The following ASTN1 variants were observed in gnomAD, a reference collection of about 807,000 sequenced individuals.
ASTN1 encodes astrotactin-1.
ASTN1 carries 41 observed loss-of-function variants against 140.7 expected under a neutral mutation model. That is an observed-to-expected ratio of 0.29 (90% CI 0.23 to 0.38). ASTN1 has a LOEUF of 0.38. ASTN1 is among the 10% of genes least tolerant of loss of function. The pLI is 1.00. For missense variants in ASTN1, 1,479 were observed against 1,678.8 expected (o/e 0.88, Z 2.08); for synonymous variants, 640 against 652.2 (o/e 0.98, Z 0.29).
At chr1:177,151,369 G>T (rs1683025431) in intron 1 of ASTN1, among the ~76,000 whole-genome samples, 1 of 151,588 alleles carries the variant, frequency 6.6e-6, no homozygotes, top group African/African-American at 2.4e-5. Flanking sequence ...ACGTAACAAA[G>T]TTCTTACCTA....
At chr1:177,135,785 G>T (rs557599885) in intron 1 of ASTN1, among the ~76,000 whole-genome samples, 1 of 152,150 alleles carries the variant, frequency 6.6e-6, no homozygotes, top group African/African-American at 2.4e-5. Flanking sequence ...TAAAAACTTT[G>T]CCACTCAAAG....
chr1:177,026,735 T>C (rs145927539), intron 5 of ASTN1, among the ~76,000 whole-genome samples: 80 of 152,368 alleles, frequency 5.3e-4, no homozygotes, highest in Middle Eastern at 3.4e-3. Context: ...ATTGTAGTTT[T>C]GATTTGCGTT....
chr1:176,960,763 T>C (rs1315448136), intron 9 of ASTN1, among the ~76,000 whole-genome samples: 1 of 152,154 alleles, frequency 6.6e-6, no homozygotes, highest in Non-Finnish European at 1.5e-5. Flanking sequence ...TTGTCCCGAT[T>C]TTCTCACCTC....
rs200001374 is a variant in ASTN1 at position 177,023,397 on chromosome 1, C to T, written c.1438+7G>A. ...ACAGTTACCCGCTGCCCGGTGCTCC[C>T]GCCTACCAGTTTCGGGGTCACATTG... is the stretch of plus-strand genomic sequence containing the variant. On this transcript the variant is annotated splice_region_variant and intron_variant, in intron 7 of 22. Transcript: ENST00000361833. 113 of 1,579,536 alleles carry T rather than the reference C, an allele frequency of 7.2e-5. No homozygotes were observed. Among genetic ancestry groups the T allele is most frequent in the Admixed American group, 9.1e-5 (5 of 54,742 alleles).
intron 16 of ASTN1, among the ~76,000 whole-genome samples, chr1:176,898,374 C>T (rs1257609515): frequency 6.6e-6 from 1 of 152,214 alleles, no homozygotes; most frequent in Non-Finnish European, 1.5e-5. Context: ...TGGATTTGCA[C>T]AGGAGTGATG....
Position 177,023,410 on chromosome 1 carries a change from C to T in ASTN1, c.1432G>A (p.Glu478Lys), listed in dbSNP as rs377210940. The T allele has an allele frequency of 1.4e-5, 22 of 1,591,564 alleles. No individual in the cohort carries two copies. The highest frequency in any genetic ancestry group is 7.1e-5 in the Admixed American group (4 of 56,632). The change falls in exon 7 of 23, where the codon GAA becomes AAA. Residue 478 changes from glutamate (E) to lysine (K), a missense_variant. Around this residue, in one of 3 missense-constraint regions of ASTN1, gnomAD observed 729 missense variants for 860.4 expected, o/e 0.85. Coordinates refer to ENST00000361833, the MANE Select transcript of ASTN1 (RefSeq NM_004319.3). ...GCCCGGTGCTCCCGCCTACCAGTTT[C>T]GGGGTCACATTGGTGTTCACAGGGG... The part of the protein sequence containing the change: ...LDPCEHQCDP[E>K]TGECLCYEGY...
At chr1:176,904,128 A>G (rs1372836368) in intron 16 of ASTN1, among the ~76,000 whole-genome samples, 1 of 152,188 alleles carries the variant, frequency 6.6e-6, no homozygotes, top group Non-Finnish European at 1.5e-5. Flanking sequence ...TTGGAAGGAC[A>G]CTGTTCCAGC....
intron 8 of ASTN1, among the ~76,000 whole-genome samples, chr1:176,990,689 C>A (rs973274635): frequency 2.0e-5 from 3 of 151,884 alleles, no homozygotes; most frequent in Non-Finnish European, 2.9e-5. Context: ...CTAGGTAATC[C>A]CCCCAGAGAC....
chr1:177,040,397 C>A (rs1343979224), intron 2 of ASTN1, among the ~76,000 whole-genome samples: 7 of 152,198 alleles, frequency 4.6e-5, no homozygotes, highest in South Asian at 4.1e-4. Context: ...CTCACTGGGG[C>A]AGTTACTACT....
At chr1:177,007,468 A>G (rs1002111812) in intron 8 of ASTN1, among the ~76,000 whole-genome samples, 1 of 152,204 alleles carries the variant, frequency 6.6e-6, no homozygotes, top group African/African-American at 2.4e-5. Context: ...TCTTATTTTC[A>G]TTGGAAAAAG....
At chr1:176,922,925 T>A (rs1670798643) in intron 16 of ASTN1, among the ~76,000 whole-genome samples, 1 of 152,102 alleles carries the variant, frequency 6.6e-6, no homozygotes, top group Non-Finnish European at 1.5e-5. Context: ...ATAATATGAG[T>A]CCCAATGCAC....
At chr1:176,939,450 C>T (rs533216070) in intron 14 of ASTN1, among the ~76,000 whole-genome samples, 5 of 152,168 alleles carry the variant, frequency 3.3e-5, no homozygotes, top group Non-Finnish European at 7.4e-5. Context: ...TATGCCACAC[C>T]ATAGTCAGGG....
intron 1 of ASTN1, among the ~76,000 whole-genome samples, chr1:177,161,490 C>G (rs962715630): frequency 6.6e-6 from 1 of 152,194 alleles, no homozygotes; most frequent in African/African-American, 2.4e-5. Context: ...GGGATAGAGG[C>G]TTCATAGAGA....
chr1:177,059,698 T>C (rs1677990259), intron 2 of ASTN1, among the ~76,000 whole-genome samples: 1 of 152,190 alleles, frequency 6.6e-6, no homozygotes, highest in African/African-American at 2.4e-5. Context: ...ATCAGAGATT[T>C]TATAGAGAGA....
chr1:177,074,265 G>A (rs6686441), intron 1 of ASTN1, among the ~76,000 whole-genome samples: 69,919 of 151,950 alleles, frequency 0.46, 17,441 homozygotes, highest in Non-Finnish European at 0.57. Flanking sequence ...TGTCTCCATT[G>A]ACTTGACTTT....
intron 8 of ASTN1, among the ~76,000 whole-genome samples, chr1:177,010,945 A>G (rs945602326): frequency 6.6e-6 from 1 of 152,226 alleles, no homozygotes; most frequent in Non-Finnish European, 1.5e-5. Context: ...CCAAAAAAGT[A>G]AAGTGTAGTG....
chr1:176,890,935 GAGAAT>G (rs1382664649), intron 17 of ASTN1, among the ~76,000 whole-genome samples: 2 of 152,146 alleles, frequency 1.3e-5, no homozygotes, highest in African/African-American at 2.4e-5. Flanking sequence ...GCTGAGGCAG[GAGAAT>G]CTCCTGACCC....
intron 16 of ASTN1, among the ~76,000 whole-genome samples, chr1:176,923,228 A>T (rs1670813059): frequency 6.6e-6 from 1 of 152,238 alleles, no homozygotes; most frequent in Admixed American, 6.5e-5. Context: ...GCATTCCCTT[A>T]TCAGAAGTAG....
intron 11 of ASTN1, among the ~76,000 whole-genome samples, chr1:176,953,389 TC>T (rs1363770761): frequency 6.6e-6 from 1 of 152,206 alleles, no homozygotes; most frequent in Non-Finnish European, 1.5e-5. Context: ...CAACTATAAT[TC>T]CTATTAGAAA....
Sources: allele counts gnomAD v4.1 joint callset (sites outside exome capture counted in the v4.1 genomes callset), GRCh38; gene constraint gnomAD v4.1.1; regional missense constraint gnomAD v4.1.1; transcripts MANE v1.5; gene names NCBI Gene and HGNC (gene_info 2026-07-23, HGNC 2026-07-21).